Variants in DGKB observed in about 807,000 individuals in gnomAD.
DGKB encodes 90 kDa diacylglycerol kinase.
A neutral mutation model predicts 114.3 loss-of-function variants in DGKB; 67 were observed. The ratio of observed to expected loss-of-function variants is 0.59; its 90% CI spans 0.48 to 0.72. DGKB has a LOEUF of 0.72. Among genes scored for constraint, DGKB ranks in the 30% least tolerant of loss-of-function variants. The pLI is 0.00. For missense variants in DGKB, 907 were observed against 975.2 expected (o/e 0.93, Z 0.93); for synonymous variants, 398 against 323.1 (o/e 1.23, Z -2.49).
rs1388338662 is a variant in DGKB, at chr7:14,278,207, C to A, written c.2122+60308G>T. Among the ~76,000 whole-genome samples the A allele has an allele frequency of 5.4e-5, 8 of 148,458 alleles. No individual in the cohort carries two copies. The East Asian group carries it at 1.5e-3, about 29-fold the overall frequency. ...CCACATCAATCTTGAGTAAAAAGAA[C>A]AAAACTGGGGCATCACATGCCCTGA... On this transcript the variant is annotated intron_variant, in intron 23 of 25. Coordinates refer to ENST00000402815, the MANE Select transcript of DGKB (RefSeq NM_001350709.2).
At chr7:14,271,769 C>A (rs906577292) in intron 23 of DGKB, among the ~76,000 whole-genome samples, 5 of 152,170 alleles carry the variant, frequency 3.3e-5, no homozygotes, top group East Asian at 3.8e-4. Flanking sequence ...AAGAAAATAG[C>A]TCCCAATAAA....
At chr7:14,740,958 A>G (rs1832501197) in intron 4 of DGKB, among the ~76,000 whole-genome samples, 1 of 152,160 alleles carries the variant, frequency 6.6e-6, no homozygotes, top group South Asian at 2.1e-4. Flanking sequence ...AAGAGAAAGG[A>G]ACCAGGGATG....
chr7:14,167,961 A>C (rs920614592), intron 25 of DGKB, among the ~76,000 whole-genome samples: 1 of 152,218 alleles, frequency 6.6e-6, no homozygotes, highest in African/African-American at 2.4e-5. Flanking sequence ...AAAACACACA[A>C]GGGGAAATAT....
At chr7:14,496,885 A>G (rs1469881348) in intron 20 of DGKB, among the ~76,000 whole-genome samples, 1 of 151,836 alleles carries the variant, frequency 6.6e-6, no homozygotes, top group Non-Finnish European at 1.5e-5. Context: ...GCTAATAAGG[A>G]TATATTTCTA....
intron 16 of DGKB, among the ~76,000 whole-genome samples, chr7:14,609,853 T>A (rs952754896): frequency 4.6e-5 from 7 of 152,042 alleles, no homozygotes; most frequent in African/African-American, 1.7e-4. Context: ...ATGGCTATTA[T>A]TAAAAAGTCA....
intron 17 of DGKB, among the ~76,000 whole-genome samples, chr7:14,596,979 T>C (rs1415127054): frequency 2.0e-5 from 3 of 152,222 alleles, no homozygotes; most frequent in Non-Finnish European, 4.4e-5. Context: ...AAAGGAGTCC[T>C]TGCAAGTGAG....
At chr7:14,911,079 AAT>A (rs527566084) in intron 1 of DGKB, among the ~76,000 whole-genome samples, 10 of 151,852 alleles carry the variant, frequency 6.6e-5, no homozygotes, top group African/African-American at 2.4e-4. Context: ...CATTAATCTT[AAT>A]ATATATATAT....
intron 25 of DGKB, among the ~76,000 whole-genome samples, chr7:14,155,277 T>TAGGTACC (rs2128218209): frequency 6.6e-6 from 1 of 152,250 alleles, no homozygotes; most frequent in Non-Finnish European, 1.5e-5. Flanking sequence ...GTTAATGTAC[T>TAGGTACC]AGGTACCAGC....
chr7:14,671,929 A>C (rs2128947007), intron 13 of DGKB, among the ~76,000 whole-genome samples: 1 of 152,216 alleles, frequency 6.6e-6, no homozygotes, highest in South Asian at 2.1e-4. Context: ...TGTCTAATAA[A>C]CCTTACATGA....
intron 9 of DGKB, among the ~76,000 whole-genome samples, chr7:14,690,191 T>A (rs960778209): frequency 9.2e-5 from 14 of 152,244 alleles, no homozygotes; most frequent in African/African-American, 3.4e-4. Flanking sequence ...TGAAGCCTTA[T>A]TAATTATCTT....
At chr7:14,713,819 T>A (rs747747696) in intron 6 of DGKB, among the ~76,000 whole-genome samples, 1 of 152,016 alleles carries the variant, frequency 6.6e-6, no homozygotes, top group Non-Finnish European at 1.5e-5. Context: ...CCCTATTGAT[T>A]TTCTCTTTAG....
intron 12 of DGKB, among the ~76,000 whole-genome samples, chr7:14,677,180 G>A (rs1228064354): frequency 6.6e-6 from 1 of 151,878 alleles, no homozygotes; most frequent in Non-Finnish European, 1.5e-5. Flanking sequence ...ATGTGTGCCA[G>A]CATATAGTTC....
chr7:14,407,778 G>A lies in DGKB; in HGVS notation c.1836-62387C>T, dbSNP rs1427163027. Among the ~76,000 whole-genome samples the A allele has an allele frequency of 3.9e-5, 6 of 152,076 alleles. 1 individual carries two copies. The highest frequency in any genetic ancestry group is 3.9e-4 in the Admixed American group (6 of 15,240). ...TGCAATAAGAATGAAGACAAATGCT[G>A]TAAATCATGTGCTTCAGTGGACTTT... On this transcript the variant is annotated intron_variant, in intron 21 of 25. Coordinates refer to ENST00000402815, the MANE Select transcript of DGKB (RefSeq NM_001350709.2).
At chr7:14,907,397 AT>A (rs912747470), upstream of DGKB, among the ~76,000 whole-genome samples, 2 of 152,128 alleles carry the variant, frequency 1.3e-5, no homozygotes, top group African/African-American at 2.4e-5. Context: ...TGGGAAAATA[AT>A]TTTTTTCTAC....
intron 1 of DGKB, among the ~76,000 whole-genome samples, chr7:14,900,912 G>A (rs992945976): frequency 6.6e-6 from 1 of 152,130 alleles, no homozygotes; most frequent in African/African-American, 2.4e-5. Context: ...TAGAGTATTA[G>A]GGAACTGCTT....
intron 15 of DGKB, among the ~76,000 whole-genome samples, chr7:14,619,082 A>G (rs972867339): frequency 3.3e-5 from 5 of 151,178 alleles, no homozygotes; most frequent in African/African-American, 1.2e-4. Flanking sequence ...ATATATGTGT[A>G]TTCTATTTTG....
chr7:14,770,337 T>G (rs1363283354), intron 2 of DGKB, among the ~76,000 whole-genome samples: 1 of 152,018 alleles, frequency 6.6e-6, no homozygotes, highest in Non-Finnish European at 1.5e-5. Context: ...GCTCTGAGAA[T>G]GTCTCCACTA....
intron 21 of DGKB, among the ~76,000 whole-genome samples, chr7:14,472,998 C>T (rs1181728057): frequency 6.6e-6 from 1 of 152,024 alleles, no homozygotes; most frequent in Non-Finnish European, 1.5e-5. Flanking sequence ...CCTGGCAATG[C>T]TATAGAAAAG....
At chr7:14,257,372 A>G (rs1334522570) in intron 23 of DGKB, among the ~76,000 whole-genome samples, 1 of 152,172 alleles carries the variant, frequency 6.6e-6, no homozygotes, top group Non-Finnish European at 1.5e-5. Flanking sequence ...AAAGAATGCC[A>G]TTCTTTATTT....
Sources: allele counts gnomAD v4.1 joint callset (sites outside exome capture counted in the v4.1 genomes callset), GRCh38; gene constraint gnomAD v4.1.1; transcripts MANE v1.5; gene names NCBI Gene and HGNC (gene_info 2026-07-23, HGNC 2026-07-21).